Variants in CFAP107 observed in about 807,000 individuals in gnomAD.
The protein encoded by CFAP107 is cilia- and flagella-associated protein 107.
chr1:12,753,454 T>A, the CFAP107 span: 1 of 151,802 alleles, frequency 6.6e-6, no homozygotes. Flanking sequence ...GACTCACATG[T>A]CTCAGTTTCA....
At chr1:12,759,475 T>G in the CFAP107 span, 2 of 1,614,168 alleles carry the variant, frequency 1.2e-6, no homozygotes, top group Admixed American at 1.7e-5. Flanking sequence ...GAAGTCTGAC[T>G]TTCCCCTTCT....
chr1:12,760,618 C>G, the CFAP107 span: 2 of 730,684 alleles, frequency 2.7e-6, no homozygotes, highest in Non-Finnish European at 4.4e-6. Flanking sequence ...CTGCAAGGCT[C>G]TTCCCTGTGG....
chr1:12,760,950 G>A, the CFAP107 span: 1 of 1,608,838 alleles, frequency 6.2e-7, no homozygotes, highest in Non-Finnish European at 8.5e-7. Context: ...CCACACTTCT[G>A]AGAGCTGCCA....
chr1:12,752,817 C>T, the CFAP107 span, among the ~76,000 whole-genome samples: 7 of 152,100 alleles, frequency 4.6e-5, no homozygotes, highest in South Asian at 6.2e-4. Context: ...GACAAAAATG[C>T]CAGCCTTTTC....
At chr1:12,759,590 T>C in the CFAP107 span, 1 of 1,360,904 alleles carries the variant, frequency 7.3e-7, no homozygotes, top group Non-Finnish European at 1.0e-6. Context: ...CAGGTGACCC[T>C]GGCTCCAGGA....
chr1:12,763,375 G>A, the CFAP107 span: 1 of 152,380 alleles, frequency 6.6e-6, no homozygotes, highest in African/African-American at 2.4e-5. Context: ...ACGGGCAGGG[G>A]TTGACGGATG....
the CFAP107 span, among the ~76,000 whole-genome samples, chr1:12,757,608 A>G: frequency 6.6e-6 from 1 of 151,856 alleles, no homozygotes; most frequent in Non-Finnish European, 1.5e-5. Context: ...CTAGTCCTGA[A>G]CTCCTGGTCT....
At chr1:12,755,691 CT>C in the CFAP107 span, 27 of 1,586,708 alleles carry the variant, frequency 1.7e-5, no homozygotes, top group Non-Finnish European at 2.6e-6. Context: ...AATATTTGGT[CT>C]TTTCCAGTTC....
chr1:12,752,765 A>G, the CFAP107 span, among the ~76,000 whole-genome samples: 3 of 152,004 alleles, frequency 2.0e-5, no homozygotes, highest in African/African-American at 4.8e-5. Flanking sequence ...ATAATACCCA[A>G]TGGTGAAAGA....
chr1:12,761,665 T>C, the CFAP107 span: 4 of 152,098 alleles, frequency 2.6e-5, no homozygotes, highest in Non-Finnish European at 5.9e-5. Flanking sequence ...GCCTCCTGAG[T>C]AGCTGGGACT....
chr1:12,758,567 C>A, the CFAP107 span, among the ~76,000 whole-genome samples: 1 of 152,136 alleles, frequency 6.6e-6, no homozygotes, highest in Non-Finnish European at 1.5e-5. Context: ...ATTTCCAGAC[C>A]ATAGCAGACA....
At chr1:12,760,938 T>A in the CFAP107 span, 2,339 of 1,611,612 alleles carry the variant, frequency 1.5e-3, 27 homozygotes, top group African/African-American at 0.028. Flanking sequence ...CTGCATCCTC[T>A]CCCACACTTC....
chr1:12,755,718 A>G, the CFAP107 span: 419 of 1,613,218 alleles, frequency 2.6e-4, 3 homozygotes, highest in African/African-American at 4.8e-3. Flanking sequence ...AGACACTGAC[A>G]AGACACCCCA....
the CFAP107 span, among the ~76,000 whole-genome samples, chr1:12,754,400 G>T: frequency 6.6e-6 from 1 of 152,164 alleles, no homozygotes; most frequent in Non-Finnish European, 1.5e-5. Context: ...TGAAGAAATG[G>T]GCACCCTTGT....
At chr1:12,751,837 T>C in the CFAP107 span, among the ~76,000 whole-genome samples, 4 of 152,254 alleles carry the variant, frequency 2.6e-5, no homozygotes, top group Admixed American at 2.0e-4. Flanking sequence ...ATGCTAACAA[T>C]TGGAATATTT....
chr1:12,756,465 C>T, the CFAP107 span, among the ~76,000 whole-genome samples: 1,172 of 152,292 alleles, frequency 7.7e-3, 12 homozygotes, highest in African/African-American at 0.027. Flanking sequence ...CAGGGAAAGC[C>T]GTCTCCTGCA....
chr1:12,753,034 T>C, the CFAP107 span, among the ~76,000 whole-genome samples: 1 of 152,100 alleles, frequency 6.6e-6, no homozygotes, highest in Non-Finnish European at 1.5e-5. Flanking sequence ...AATAAATGAG[T>C]TAAGCAAAGT....
the CFAP107 span, among the ~76,000 whole-genome samples, chr1:12,751,899 G>A: frequency 6.6e-6 from 1 of 152,006 alleles, no homozygotes; most frequent in Non-Finnish European, 1.5e-5. Flanking sequence ...AATCTATCGA[G>A]ACTGAATTAT....
chr1:12,760,972 G>A, the CFAP107 span: 1 of 1,592,992 alleles, frequency 6.3e-7, no homozygotes, highest in Non-Finnish European at 8.6e-7. Flanking sequence ...CCCAGGAGCA[G>A]CTCAGATAGA....
Sources: gnomAD v4.1 joint callset for allele counts (sites outside exome capture counted in the v4.1 genomes callset) on GRCh38, gnomAD v4.1.1 for gene constraint, MANE v1.5 for transcripts, NCBI Gene and HGNC (gene_info 2026-07-23, HGNC 2026-07-21) for gene names.